RIMBP2: variants seen among roughly 807,000 people sequenced by gnomAD.
RIMBP2 encodes the protein RIMS binding protein 2.
RIMBP2 carries 48 observed loss-of-function variants against 118.6 expected under a neutral mutation model. That is an observed-to-expected ratio of 0.40 (90% confidence interval 0.32 to 0.51). RIMBP2 has a LOEUF of 0.51. Among genes scored for constraint, RIMBP2 ranks in the 20% least tolerant of loss-of-function variants. RIMBP2 has a pLI of 0.41. For missense variants in RIMBP2, 1,551 were observed against 1,768.3 expected (o/e 0.88, Z 2.20); for synonymous variants, 762 against 742.9 (o/e 1.03, Z -0.42).
At chr12:130,471,548 C>T (rs182201604) in intron 5 of RIMBP2, among the ~76,000 whole-genome samples, 218 of 152,292 alleles carry the variant, frequency 1.4e-3, no homozygotes, top group African/African-American at 5.0e-3. Context: ...TCAAAAGACC[C>T]ATGGAGGCCC....
intron 7 of RIMBP2, among the ~76,000 whole-genome samples, chr12:130,455,887 C>CT (rs2079395039): frequency 6.6e-6 from 1 of 152,050 alleles, no homozygotes; most frequent in Non-Finnish European, 1.5e-5. Context: ...TAAAGGACAT[C>CT]TGTGATCGCT....
chr12:130,667,158 G>C, intron 1 of RIMBP2: 1 of 122,528 alleles, frequency 8.2e-6, no homozygotes, highest in South Asian at 2.9e-4. Context: ...GAGGAAGGGA[G>C]GGAAGAAGGG....
At chr12:130,408,327 G>A (rs1036310592) in intron 19 of RIMBP2, among the ~76,000 whole-genome samples, 1 of 152,230 alleles carries the variant, frequency 6.6e-6, no homozygotes, top group African/African-American at 2.4e-5. Context: ...CTGTCCTCAG[G>A]AGAAGCACGA....
chr12:130,596,581 T>C (rs531545972), intron 2 of RIMBP2, among the ~76,000 whole-genome samples: 1 of 152,348 alleles, frequency 6.6e-6, no homozygotes, highest in Admixed American at 6.5e-5. Flanking sequence ...TGCCGAAGCC[T>C]AGAGCCACTG....
At position 130,446,555 on chromosome 12, in the gene RIMBP2, A is replaced by G. The variant is rs1245445034; in HGVS notation, c.582-1286T>C. On this transcript the variant is annotated intron_variant, in intron 9 of 22. Coordinates refer to ENST00000690449, the MANE Select transcript of RIMBP2 (RefSeq NM_001393629.1). This position sits in a 1 kb window ranked among gnomAD's most constrained non-coding sequence, Gnocchi z 4.1. ...CAGGAACCCAATCCAAGACCCTGAC[A>G]GCACCCAGCAGGTCAGCCTAGAGGG... is the stretch of plus-strand genomic sequence containing the variant. 6.9e-6 allele frequency among the ~76,000 whole-genome samples: 1 copy of G among 144,968 alleles called. No homozygotes were observed. The highest frequency in any genetic ancestry group is 1.5e-5 in the Non-Finnish European group (1 of 68,010).
intron 1 of RIMBP2, among the ~76,000 whole-genome samples, chr12:130,663,452 T>A (rs984113656): frequency 3.4e-5 from 5 of 148,370 alleles, no homozygotes; most frequent in Non-Finnish European, 7.4e-5. Flanking sequence ...AATTGCCTTT[T>A]TTTCCACTGA....
At chr12:130,696,188 G>A (rs1485420384) in intron 1 of RIMBP2, among the ~76,000 whole-genome samples, 1 of 152,170 alleles carries the variant, frequency 6.6e-6, no homozygotes, top group East Asian at 1.9e-4. Flanking sequence ...CACATGATAA[G>A]GGCTTTAACA....
intron 1 of RIMBP2, among the ~76,000 whole-genome samples, chr12:130,652,660 A>G (rs2063276317): frequency 6.6e-6 from 1 of 152,060 alleles, no homozygotes; most frequent in African/African-American, 2.4e-5. Context: ...TTGTTTTTTC[A>G]TTGCTATAAA....
chr12:130,684,374 C>T (rs1390345941), intron 1 of RIMBP2, among the ~76,000 whole-genome samples: 1 of 152,214 alleles, frequency 6.6e-6, no homozygotes, highest in Non-Finnish European at 1.5e-5. Context: ...TTCTCAGGAC[C>T]TCCTGAGGGC....
chr12:130,622,281 C>A lies in RIMBP2; in HGVS notation c.-217+6041G>T, dbSNP rs553284092. Among the ~76,000 whole-genome samples, 16 of 152,132 alleles carry A rather than the reference C, an allele frequency of 1.1e-4. No individual in the cohort carries two copies. The South Asian group carries it at 3.3e-3, about 32-fold the overall frequency. On this transcript the variant is annotated intron_variant, in intron 2 of 22. Transcript: ENST00000690449. The surrounding 1 kb of genome is among the most constrained non-coding windows in gnomAD (Gnocchi z 8.5). ...CATAGGAGGTTCCGGGGAACAGAGT[C>A]CCCAAACATCACAAGTTTTGCCATC...
intron 21 of RIMBP2, among the ~76,000 whole-genome samples, chr12:130,403,038 T>G (rs1439018066): frequency 3.3e-5 from 5 of 152,198 alleles, no homozygotes. Flanking sequence ...CTGCTTACGC[T>G]TGTTTTACTG....
intron 1 of RIMBP2, among the ~76,000 whole-genome samples, chr12:130,644,789 G>T (rs11836832): frequency 3.3e-5 from 5 of 152,088 alleles, no homozygotes; most frequent in Non-Finnish European, 2.9e-5. Flanking sequence ...ATCATCCTCC[G>T]GCCTGAGAAC....
chr12:130,546,493 G>C (rs2139648280), intron 2 of RIMBP2, among the ~76,000 whole-genome samples: 1 of 152,078 alleles, frequency 6.6e-6, no homozygotes, highest in Middle Eastern at 3.4e-3. Flanking sequence ...ATGGGGTTTT[G>C]CCGTGTTGGC....
rs1226281659 is a variant in RIMBP2, at chr12:130,475,475, A to G, written c.102+3437T>C. 6.6e-6 allele frequency among the ~76,000 whole-genome samples: 1 copy of G among 152,138 alleles called. No individual in the cohort carries two copies. The highest frequency in any genetic ancestry group is 1.5e-5 in the Non-Finnish European group (1 of 68,016). On this transcript the variant is annotated intron_variant, in intron 5 of 22. Transcript: ENST00000690449. The surrounding 1 kb of genome is among the most constrained non-coding windows in gnomAD (Gnocchi z 4.1). ...CAGGAAAAATAAACTCCTGCCTCAC[A>G]TTGCACATCAAGAAAAACAACATTA...
intron 1 of RIMBP2, among the ~76,000 whole-genome samples, chr12:130,655,302 T>C (rs951020363): frequency 6.6e-6 from 1 of 152,240 alleles, no homozygotes; most frequent in African/African-American, 2.4e-5. Flanking sequence ...TGAAATTACC[T>C]CGTTATATAC....
At chr12:130,438,754 A>C (rs188077337) in intron 11 of RIMBP2, among the ~76,000 whole-genome samples, 24 of 152,242 alleles carry the variant, frequency 1.6e-4, no homozygotes, top group African/African-American at 5.5e-4. Flanking sequence ...GCATTTAGTC[A>C]CCATCTTCTG....
At position 130,447,897 on chromosome 12, in the gene RIMBP2, G is replaced by A. The variant is rs2078674109; in HGVS notation, c.581+2303C>T. Among the ~76,000 whole-genome samples the A allele has an allele frequency of 6.6e-6, 1 of 152,144 alleles. No homozygotes were observed. Among genetic ancestry groups the A allele is most frequent in the African/African-American group, 2.4e-5 (1 of 41,434 alleles). On this transcript the variant is annotated intron_variant, in intron 9 of 22. Coordinates refer to ENST00000690449, the MANE Select transcript of RIMBP2 (RefSeq NM_001393629.1). This position sits in a 1 kb window ranked among gnomAD's most constrained non-coding sequence, Gnocchi z 4.4. ...GAGTGAGCGCCCAGGTGAGCAAGAGGCTTTCGGTTTGCAGAAATGTCTAAG... is the reference window on the plus strand; with the variant it reads ...GAGTGAGCGCCCAGGTGAGCAAGAGACTTTCGGTTTGCAGAAATGTCTAAG...
At chr12:130,547,347 A>T (rs1415608587) in intron 2 of RIMBP2, among the ~76,000 whole-genome samples, 1 of 152,244 alleles carries the variant, frequency 6.6e-6, no homozygotes, top group African/African-American at 2.4e-5. Flanking sequence ...TCTTTTGGGC[A>T]CAGTTGTGCG....
chr12:130,705,481 G>A (rs1430252493), intron 1 of RIMBP2, among the ~76,000 whole-genome samples: 2 of 152,250 alleles, frequency 1.3e-5, no homozygotes, highest in African/African-American at 2.4e-5. Flanking sequence ...TCCTGGGGGA[G>A]AGGCTGGCAG....
Sources: gnomAD v4.1 joint callset for allele counts (sites outside exome capture counted in the v4.1 genomes callset) on GRCh38, gnomAD v4.1.1 for gene constraint, Gnocchi (gnomAD v3.1) non-coding constraint, MANE v1.5 for transcripts, NCBI Gene and HGNC (gene_info 2026-07-23, HGNC 2026-07-21) for gene names.